Variants in ZC3HAV1 observed in about 807,000 individuals in gnomAD.
The protein encoded by ZC3HAV1 is zinc finger CCCH-type antiviral protein 1.
In ZC3HAV1, 41 loss-of-function variants were observed where a neutral mutation model predicts 86.6. That is an observed-to-expected ratio of 0.47 (90% CI 0.37 to 0.61). The LOEUF is 0.61. Ranked by LOEUF, ZC3HAV1 falls within the 20% of genes least tolerant of loss-of-function variation. ZC3HAV1 has a pLI of 0.00. For missense variants in ZC3HAV1, 964 were observed against 1,141.1 expected (o/e 0.84, Z 2.24); for synonymous variants, 421 against 432.1 (o/e 0.97, Z 0.32).
At chr7:139,057,231 G>C (rs117913927) in intron 9 of ZC3HAV1, among the ~76,000 whole-genome samples, 2 of 152,066 alleles carry the variant, frequency 1.3e-5, no homozygotes, top group East Asian at 1.9e-4. Flanking sequence ...GGTGGTGCAC[G>C]GCTGTAGTTG....
intron 1 of ZC3HAV1, among the ~76,000 whole-genome samples, chr7:139,096,954 T>A (rs1219054753): frequency 9.6e-6 from 1 of 103,960 alleles, no homozygotes; most frequent in Non-Finnish European, 1.9e-5. Context: ...GCAACATGTC[T>A]CTATTGAAAA....
chr7:139,062,901 C>G (rs1227297816), intron 8 of ZC3HAV1, among the ~76,000 whole-genome samples: 5 of 151,712 alleles, frequency 3.3e-5, no homozygotes, highest in Non-Finnish European at 1.5e-5. Context: ...TGGTAGCACA[C>G]ACCTGTAGTC....
intron 7 of ZC3HAV1, among the ~76,000 whole-genome samples, chr7:139,069,960 T>G (rs1816721218): frequency 6.6e-6 from 1 of 152,154 alleles, no homozygotes; most frequent in Admixed American, 6.5e-5. Flanking sequence ...AGCTGCAAAC[T>G]TGGACCACAA....
chr7:139,083,054 C>T (rs1253699071), intron 3 of ZC3HAV1, among the ~76,000 whole-genome samples: 1 of 148,214 alleles, frequency 6.7e-6, no homozygotes, highest in African/African-American at 2.5e-5. Context: ...ATATCAAATG[C>T]TTTAAACACC....
Position 139,086,596 on chromosome 7 carries a change from G to A in ZC3HAV1, c.445-2564C>T, listed in dbSNP as rs147309039. On this transcript the variant is annotated intron_variant, in intron 2 of 12. Transcript: ENST00000242351. ...GCCTTGTCTTAGGTTCATATCTGCC[G>A]ACCTCCTCCCTAGAAAAGGGAAGTG... is the stretch of plus-strand genomic sequence containing the variant. Among the ~76,000 whole-genome samples the A allele has an allele frequency of 1.3e-3, 196 of 152,152 alleles. 2 individuals are homozygous for A. Among genetic ancestry groups the A allele is most frequent in the African/African-American group, 4.0e-3 (167 of 41,502 alleles).
In ZC3HAV1 at chr7:139,076,411, T is replaced by C; in HGVS notation, c.1574-2A>G. 6.2e-7 allele frequency: 1 copy of C among 1,613,970 alleles called. No homozygotes were observed. ...GGAAGTGGACTTTGCTGCAGCTACC[T>C]ACAAAGACAAAGAAGGGGTCTGAGG... On this transcript the variant is annotated splice_acceptor_variant, in intron 5 of 12. Coordinates refer to ENST00000242351, the MANE Select transcript of ZC3HAV1 (RefSeq NM_020119.4). LOFTEE classifies it high-confidence loss of function.
At chr7:139,104,551 T>A (rs1458723717) in intron 1 of ZC3HAV1, among the ~76,000 whole-genome samples, 3 of 149,700 alleles carry the variant, frequency 2.0e-5, no homozygotes, top group Admixed American at 2.0e-4. Context: ...CCGTCTCTAC[T>A]AAAATACAAA....
chr7:139,083,164 C>T (rs1161037171), intron 3 of ZC3HAV1, among the ~76,000 whole-genome samples: 1 of 149,222 alleles, frequency 6.7e-6, no homozygotes, highest in Non-Finnish European at 1.5e-5. Flanking sequence ...TAAATCTAAA[C>T]AATTTTATGT....
At chr7:139,063,065 A>AAAAAG (rs965806771) in intron 8 of ZC3HAV1, among the ~76,000 whole-genome samples, 6 of 151,036 alleles carry the variant, frequency 4.0e-5, no homozygotes, top group South Asian at 2.1e-4. Context: ...AGAAAGAAAG[A>AAAAAG]AAAAGAAAAG....
chr7:139,101,209 G>A (rs968611829), intron 1 of ZC3HAV1, among the ~76,000 whole-genome samples: 4 of 151,812 alleles, frequency 2.6e-5, no homozygotes, highest in African/African-American at 9.7e-5. Flanking sequence ...CCACCTCCCA[G>A]CCGCCTGCCT....
Position 139,053,609 on chromosome 7 carries a change from C to A in ZC3HAV1, c.2319-28G>T, listed in dbSNP as rs377505240. The A allele has an allele frequency of 1.7e-5, 26 of 1,551,102 alleles. No individual in the cohort carries two copies. The Middle Eastern group carries it at 2.1e-3, about 123-fold the overall frequency. ...AATATAAGAGATGTGAGACTTAACA[C>A]GGAGACATCCCCTTCCCACTCCAGT... On this transcript the variant is annotated intron_variant, in intron 11 of 12. Transcript: ENST00000242351.
chr7:139,104,107 T>C (rs925141063), intron 1 of ZC3HAV1, among the ~76,000 whole-genome samples: 1 of 152,052 alleles, frequency 6.6e-6, no homozygotes, highest in African/African-American at 2.4e-5. Flanking sequence ...TCCCAGGAGG[T>C]GAGTTATAAC....
intron 1 of ZC3HAV1, among the ~76,000 whole-genome samples, chr7:139,096,682 G>A (rs1440118690): frequency 6.6e-6 from 1 of 152,076 alleles, no homozygotes; most frequent in Non-Finnish European, 1.5e-5. Flanking sequence ...CATTTATTCA[G>A]AACTAAAAAA....
At chr7:139,080,669 G>C (rs1429309288) in intron 3 of ZC3HAV1, among the ~76,000 whole-genome samples, 3 of 152,168 alleles carry the variant, frequency 2.0e-5, no homozygotes, top group Non-Finnish European at 4.4e-5. Flanking sequence ...GTGAGGATCA[G>C]CTCTAGGATG....
chr7:139,072,587 T>C (rs1237509801), intron 7 of ZC3HAV1, among the ~76,000 whole-genome samples: 2 of 151,924 alleles, frequency 1.3e-5, no homozygotes, highest in Non-Finnish European at 2.9e-5. Context: ...CTCTCTCTCT[T>C]TAATCCTATG....
At position 139,108,571 on chromosome 7, in the gene ZC3HAV1, A is replaced by C. The variant is rs1313909028; in HGVS notation, c.308+453T>G. 2.0e-5 allele frequency among the ~76,000 whole-genome samples: 3 copies of C among 152,216 alleles called. No homozygotes were observed. The highest frequency in any genetic ancestry group is 4.4e-5 in the Non-Finnish European group (3 of 68,028). On this transcript the variant is annotated intron_variant, in intron 1 of 12. Transcript: ENST00000242351. This position sits in a 1 kb window ranked among gnomAD's most constrained non-coding sequence, Gnocchi z 4.2. The stretch of plus-strand genomic sequence containing the variant: ...TCCGGCGGAGACGGACCGGGGGCCC[A>C]GGGCGGCTGGGTTACTGGCTCCGCC...
intron 1 of ZC3HAV1, among the ~76,000 whole-genome samples, chr7:139,091,536 G>C (rs769092734): frequency 1.3e-5 from 2 of 152,198 alleles, no homozygotes; most frequent in Non-Finnish European, 2.9e-5. Context: ...CTCTATGGTG[G>C]ATTGACCAGA....
rs1815927362 is a variant in ZC3HAV1, at chr7:139,045,406, A to G, written c.*2188T>C. On this transcript the variant is annotated 3_prime_UTR_variant, in exon 13 of 13. Transcript: ENST00000242351. ...TTTTGAACTTTATCCTGAAGACTTGATGTGTGTTTTGAATGTGCATTACTA... is the reference window on the plus strand; with the variant it reads ...TTTTGAACTTTATCCTGAAGACTTGGTGTGTGTTTTGAATGTGCATTACTA... 1 of 152,208 alleles carries G rather than the reference A, an allele frequency of 6.6e-6. No individual in the cohort carries two copies. The highest frequency in any genetic ancestry group is 1.5e-5 in the Non-Finnish European group (1 of 68,048). The allele number at this position is 152,208 out of a possible 1,614,324, so 9.4% of individuals were successfully genotyped here.
At chr7:139,058,818 C>A (rs531895993) in intron 9 of ZC3HAV1, among the ~76,000 whole-genome samples, 73 of 152,216 alleles carry the variant, frequency 4.8e-4, no homozygotes, top group African/African-American at 1.8e-3. Context: ...CAGGAGCTAT[C>A]TGGAAATGCC....
Sources: allele counts gnomAD v4.1 joint callset (sites outside exome capture counted in the v4.1 genomes callset), GRCh38; gene constraint gnomAD v4.1.1; non-coding constraint Gnocchi (gnomAD v3.1); transcripts MANE v1.5; gene names NCBI Gene and HGNC (gene_info 2026-07-23, HGNC 2026-07-21).